The following DNAH7 variants were observed in gnomAD, a reference collection of about 807,000 sequenced individuals.
DNAH7 encodes the protein dynein axonemal heavy chain 7, also known as axonemal beta dynein heavy chain 7.
A neutral mutation model predicts 444.6 loss-of-function variants in DNAH7; 397 were observed. The observed-to-expected ratio is 0.89, with a 90% CI of 0.82 to 0.97. DNAH7 has a LOEUF of 0.97. Ranked by LOEUF, DNAH7 falls within the 50% of genes least tolerant of loss-of-function variation. DNAH7 has a pLI of 0.00. For missense variants in DNAH7, 4,902 were observed against 4,800.8 expected, an observed-to-expected ratio of 1.02 and a Z score of -0.62; for synonymous variants, 1,636 against 1,624.4, an observed-to-expected ratio of 1.01 and a Z score of -0.17.
chr2:195,899,410 C>T (rs1686551260), intron 28 of DNAH7, among the ~76,000 whole-genome samples: 1 of 152,180 alleles, frequency 6.6e-6, no homozygotes, highest in Admixed American at 6.5e-5. Flanking sequence ...TAGGACAATG[C>T]ATTATACTTC....
At chr2:195,927,860 C>T (rs1688443639) in intron 21 of DNAH7, among the ~76,000 whole-genome samples, 1 of 152,052 alleles carries the variant, frequency 6.6e-6, no homozygotes, top group South Asian at 2.1e-4. Flanking sequence ...GTATACTGCA[C>T]TTGCTTGGAT....
intron 64 of DNAH7, among the ~76,000 whole-genome samples, chr2:195,740,315 C>T (rs1487435158): frequency 6.6e-6 from 1 of 152,056 alleles, no homozygotes; most frequent in Non-Finnish European, 1.5e-5. Flanking sequence ...TGATGCGCCT[C>T]ATAGAGAAAA....
intron 16 of DNAH7, 141 bp from the exon 17 acceptor site, chr2:195,970,235 C>T (rs1185225247): frequency 3.1e-5 from 23 of 745,088 alleles, no homozygotes; most frequent in South Asian, 1.1e-4. Context: ...GGAAAATGAA[C>T]GAGATCTAAA....
intron 15 of DNAH7, among the ~76,000 whole-genome samples, chr2:195,976,793 CTAAT>C (rs552945635): frequency 4.6e-3 from 256 of 55,588 alleles, no homozygotes; most frequent in African/African-American, 9.9e-3. Flanking sequence ...GAGAGACTCT[CTAAT>C]TATTTGGGAG....
chr2:196,014,499 T>C (rs1694898909), intron 9 of DNAH7, among the ~76,000 whole-genome samples: 1 of 152,104 alleles, frequency 6.6e-6, no homozygotes, highest in Non-Finnish European at 1.5e-5. Flanking sequence ...ACCCATCTAT[T>C]GGTCACATAT....
intron 63 of DNAH7, among the ~76,000 whole-genome samples, chr2:195,747,593 A>G (rs1490126614): frequency 1.3e-5 from 2 of 152,236 alleles, no homozygotes; most frequent in East Asian, 3.8e-4. Flanking sequence ...TCAATAAAAT[A>G]CTGGCAAACC....
At chr2:195,870,756 A>G (rs950342215) in intron 40 of DNAH7, among the ~76,000 whole-genome samples, 5 of 152,148 alleles carry the variant, frequency 3.3e-5, no homozygotes, top group African/African-American at 1.2e-4. Context: ...CTAGAAAACA[A>G]TCCCTCACCA....
In DNAH7 at chr2:195,888,279, T is replaced by C. The variant is rs746919710; in HGVS notation, c.5385A>G (p.Glu1795=). The change falls in exon 33 of 65, where the codon GAA becomes GAG. Residue 1795 remains glutamate (E), a synonymous_variant. Transcript: ENST00000312428. The part of the protein sequence containing the change: ...LFDRMVPVSV[E]FIRKHTKELS... Reference sequence around the variant, plus strand: ...TTACCTTTGTATGCTTTCTAATAAATTCAACCGAAACAGGGACCATTCTGT... The same window carrying C: ...TTACCTTTGTATGCTTTCTAATAAACTCAACCGAAACAGGGACCATTCTGT... 1.2e-6 allele frequency: 2 copies of C among 1,609,990 alleles called. No individual in the cohort carries two copies. Among genetic ancestry groups the C allele is most frequent in the Admixed American group, 1.7e-5 (1 of 59,186 alleles).
At chr2:195,806,655 A>G in intron 54 of DNAH7, 85 bp downstream of exon 54, 1 of 1,113,878 alleles carries the variant, frequency 9.0e-7, no homozygotes, top group South Asian at 1.7e-5. Flanking sequence ...CTCCCCCATG[A>G]TTACATAAGG....
At chr2:195,942,145 A>T (rs13431004) in intron 19 of DNAH7, among the ~76,000 whole-genome samples, 2,698 of 152,228 alleles carry the variant, frequency 0.018, 82 homozygotes, top group African/African-American at 0.061. Context: ...GAAAGAAGTG[A>T]TAAGAAGTGC....
At chr2:195,888,744 CA>C (rs5837480) in intron 32 of DNAH7, 54 bp downstream of exon 32, 1 of 1,530,930 alleles carries the variant, frequency 6.5e-7, no homozygotes, top group Non-Finnish European at 8.8e-7. Context: ...TAAGCAAATA[CA>C]TGCATTTATA....
At chr2:195,744,044 C>G (rs868229381) in intron 63 of DNAH7, among the ~76,000 whole-genome samples, 3 of 152,338 alleles carry the variant, frequency 2.0e-5, no homozygotes, top group African/African-American at 7.2e-5. Flanking sequence ...CATGCGCCAC[C>G]CGAAGCAGGG....
intron 48 of DNAH7, among the ~76,000 whole-genome samples, chr2:195,832,944 C>T (rs1409134429): frequency 6.6e-6 from 1 of 152,148 alleles, no homozygotes; most frequent in South Asian, 2.1e-4. Context: ...TTTATTTCTT[C>T]CTCAAACTAT....
intron 45 of DNAH7, among the ~76,000 whole-genome samples, chr2:195,855,114 TCATTACTTC>T (rs1415699419): frequency 3.9e-5 from 6 of 152,190 alleles, no homozygotes; most frequent in Admixed American, 3.9e-4. Context: ...TGGTACAAAA[TCATTACTTC>T]CCTCAAAAGG....
At chr2:195,984,852 A>C in intron 14 of DNAH7, 142 bp from the exon 15 acceptor site, 1 of 705,560 alleles carries the variant, frequency 1.4e-6, no homozygotes, top group Non-Finnish European at 2.3e-6. Flanking sequence ...AATTAAAAGC[A>C]AATTTGCATA....
chr2:195,982,819 T>C (rs1692663474), intron 15 of DNAH7, among the ~76,000 whole-genome samples: 2 of 151,914 alleles, frequency 1.3e-5, no homozygotes, highest in Non-Finnish European at 2.9e-5. Context: ...TTACCAGAGG[T>C]TGTAAGGGTA....
chr2:195,926,485 A>G lies in DNAH7; in HGVS notation c.3553T>C (p.Cys1185Arg), dbSNP rs747297545. 3.1e-6 allele frequency: 5 copies of G among 1,606,530 alleles called. No homozygotes were observed. Among genetic ancestry groups the G allele is most frequent in the Non-Finnish European group, 2.5e-6 (3 of 1,176,994 alleles). Residue 1185 changes from cysteine to arginine, a missense_variant, in exon 22 of 65, where the codon TGT (cysteine) becomes CGT (arginine). Physicochemically the swap from Cys to Arg is radical, Grantham distance 180 (BLOSUM62 -3). Transcript: ENST00000312428. ...TTTGTCCAAAAGATTTGGGATACAC[A>G]GAGAACAGTCTGTCCAGGCCAATCC... ...VRDWPGQTVL[C>R]VSQIFWTKEV...
At chr2:195,749,224 T>A (rs1693626922) in intron 63 of DNAH7, among the ~76,000 whole-genome samples, 1 of 152,092 alleles carries the variant, frequency 6.6e-6, no homozygotes, top group Admixed American at 6.5e-5. Context: ...AAAAACCACA[T>A]GAAAAAATGC....
At position 195,859,731 on chromosome 2, in the gene DNAH7, TAGAA is replaced by T. The variant is rs1235054470; in HGVS notation, c.7737-931_7737-928del. 6.6e-5 allele frequency among the ~76,000 whole-genome samples: 10 copies of T among 152,250 alleles called. No homozygotes were observed. In the East Asian group the frequency reaches 7.7e-4, roughly 12 times the overall value. On this transcript the variant is annotated intron_variant, in intron 42 of 64. Transcript: ENST00000312428. The stretch of plus-strand genomic sequence containing the variant: ...CAAATTCCCTGAGTGTGCAAAATAT[TAGAA>T]AGTAATGGGAACAGAGGGGACCGAA...
Sources: gnomAD v4.1 joint callset for allele counts (sites outside exome capture counted in the v4.1 genomes callset) on GRCh38, gnomAD v4.1.1 for gene constraint, MANE v1.5 for transcripts, NCBI Gene and HGNC (gene_info 2026-07-23, HGNC 2026-07-21) for gene names.